VWF: variants seen among roughly 807,000 people sequenced by gnomAD.
The protein encoded by VWF is von Willebrand factor.
VWF carries 176 observed loss-of-function variants against 308.6 expected under a neutral mutation model. The ratio of observed to expected loss-of-function variants is 0.57; its 90% confidence interval spans 0.50 to 0.65. The LOEUF (loss-of-function observed/expected upper bound fraction) is 0.65, where lower values mean the gene tolerates loss of function less well. VWF is among the 30% of genes least tolerant of loss of function. The pLI, the probability that VWF is intolerant of heterozygous loss-of-function variation, is 0.00. For missense variants in VWF, 3,146 were observed against 3,648.2 expected (o/e 0.86, Z 3.55); for synonymous variants, 1,385 against 1,443.4 (o/e 0.96, Z 0.92).
chr12:5,952,291 G>C, intron 49 of VWF, 100 bp downstream of exon 49: 1 of 1,527,650 alleles, frequency 6.5e-7, no homozygotes, highest in East Asian at 2.3e-5. Flanking sequence ...ATGTGCCTCA[G>C]ACACTGAGAA....
rs773534134 is a variant in VWF at position 6,031,528 on chromosome 12, C to G, written c.2736G>C (p.Lys912Asn). The G allele has an allele frequency of 2.5e-6, 4 of 1,614,008 alleles. No individual in the cohort carries two copies. The African/African-American group carries it at 5.3e-5, about 22-fold the overall frequency. Residue 912 changes from lysine (K) to asparagine (N), a missense_variant, in exon 21 of 52, where the codon AAG becomes AAC. Coordinates refer to ENST00000261405, the MANE Select transcript of VWF (RefSeq NM_000552.5). ...PGTFRILVGN[K>N]GCSHPSVKCK... The stretch of plus-strand genomic sequence containing the variant: ...ATTTCACTGAGGGGTGGCTGCATCC[C>G]TTATTCCCCACTAGGATCCGAAAGG...
In VWF at chr12:5,951,898, A is replaced by G. The variant is rs1460296329; in HGVS notation, c.8116-15T>C. ...ATAATTTTACCCTAAGAAAACAGCA[A>G]AATTTCAGGTTAGGCACAAACAGTA... On this transcript the variant is annotated splice_polypyrimidine_tract_variant and intron_variant, in intron 49 of 51. Transcript: ENST00000261405. 6.2e-7 allele frequency: 1 copy of G among 1,614,036 alleles called. No individual in the cohort carries two copies. Among genetic ancestry groups the G allele is most frequent in the African/African-American group, 1.3e-5 (1 of 74,908 alleles).
intron 4 of VWF, 42 bp from the exon 5 acceptor site, chr12:6,110,624 A>G (rs749325177): frequency 6.3e-7 from 1 of 1,596,892 alleles, no homozygotes; most frequent in Non-Finnish European, 8.6e-7. Flanking sequence ...CTTCTTGTGC[A>G]TTTTCTGGAT....
intron 21 of VWF, among the ~76,000 whole-genome samples, chr12:6,029,927 C>T (rs989124981): frequency 7.2e-5 from 11 of 152,086 alleles, no homozygotes; most frequent in Non-Finnish European, 1.5e-4. Context: ...TCTTGTATCC[C>T]ACCACCTCCC....
intron 10 of VWF, among the ~76,000 whole-genome samples, chr12:6,070,922 A>T (rs1389173453): frequency 1.3e-5 from 2 of 152,236 alleles, no homozygotes; most frequent in Non-Finnish European, 2.9e-5. Flanking sequence ...AGCCTAAAGA[A>T]TTACCAGGCC....
At chr12:6,054,694 A>T (rs1215168400) in intron 15 of VWF, among the ~76,000 whole-genome samples, 1 of 152,212 alleles carries the variant, frequency 6.6e-6, no homozygotes, top group Admixed American at 6.5e-5. Context: ...AGAGGAAAAA[A>T]AATGTGTGTG....
At chr12:6,062,880 A>C (rs1944669663) in intron 13 of VWF, 74 bp downstream of exon 13, 1 of 1,283,136 alleles carries the variant, frequency 7.8e-7, no homozygotes, top group African/African-American at 1.5e-5. Flanking sequence ...ACACAAAGCC[A>C]TTCTACCCAG....
Position 6,095,588 on chromosome 12 carries a change from T to C in VWF, c.533-4A>G, listed in dbSNP as rs1315921326. ...TAAGGGTCCGAGGTCAAGGTCCCTG[T>C]GGAGGAAAGTTTCAGGAAAGTAATG... On this transcript the variant is annotated splice_polypyrimidine_tract_variant and splice_region_variant and intron_variant, in intron 5 of 51. Transcript: ENST00000261405. The C allele has an allele frequency of 6.2e-7, 1 of 1,614,024 alleles. No individual in the cohort carries two copies. Among genetic ancestry groups the C allele is most frequent in the Non-Finnish European group, 8.5e-7 (1 of 1,180,008 alleles).
rs754363583 is a variant in VWF at position 5,981,791 on chromosome 12, C to T, written c.7282G>A (p.Asp2428Asn). The stretch of plus-strand genomic sequence containing the variant: ...AATAGCCAAGCAGTCCTTACCTTGT[C>T]GGGAAGGCAGGTGGTTGTGGTACAG... Reference protein sequence around the residue: ...CGCTTTTCLPDKVCVHRSTIY... With the variant: ...CGCTTTTCLPNKVCVHRSTIY... The change falls in exon 42 of 52, where the codon GAC becomes AAC. Residue 2428 changes from aspartate to asparagine, a missense_variant. Coordinates refer to ENST00000261405, the MANE Select transcript of VWF (RefSeq NM_000552.5). 13 of 1,613,934 alleles carry T rather than the reference C, an allele frequency of 8.1e-6. No individual in the cohort carries two copies. Among genetic ancestry groups the T allele is most frequent in the African/African-American group, 2.7e-5 (2 of 74,904 alleles).
chr12:6,050,954 T>C (rs909757824), intron 16 of VWF, among the ~76,000 whole-genome samples: 2 of 115,550 alleles, frequency 1.7e-5, no homozygotes, highest in Admixed American at 1.6e-4. Flanking sequence ...AAATTCAGTC[T>C]CAAAAAAAAA....
At chr12:6,101,346 T>C (rs930271358) in intron 5 of VWF, among the ~76,000 whole-genome samples, 1 of 151,178 alleles carries the variant, frequency 6.6e-6, no homozygotes, top group Non-Finnish European at 1.5e-5. Flanking sequence ...TGGGAAGAGA[T>C]ACACACAATC....
At chr12:6,095,366 C>T in intron 6 of VWF, 94 bp downstream of exon 6, 3 of 1,590,828 alleles carry the variant, frequency 1.9e-6, no homozygotes, top group Non-Finnish European at 2.6e-6. Flanking sequence ...GTCCATTCCT[C>T]CCCCAGATGG....
intron 2 of VWF, among the ~76,000 whole-genome samples, chr12:6,122,516 CAG>C (rs1273280002): frequency 2.6e-5 from 4 of 152,206 alleles, no homozygotes; most frequent in Non-Finnish European, 5.9e-5. Context: ...TAGGAAGATG[CAG>C]AGAGTGTGAC....
intron 6 of VWF, among the ~76,000 whole-genome samples, chr12:6,087,899 A>G (rs111411034): frequency 0.011 from 1,612 of 152,226 alleles, 28 homozygotes; most frequent in African/African-American, 0.035. Flanking sequence ...TACGGTAGGT[A>G]GAGTGGTAAC....
intron 45 of VWF, 126 bp downstream of exon 45, chr12:5,969,084 TG>T: frequency 1.9e-6 from 2 of 1,046,262 alleles, no homozygotes; most frequent in Non-Finnish European, 1.4e-6. Flanking sequence ...TAGGAGCAGA[TG>T]GGAAGATTTC....
At chr12:6,097,619 T>C (rs1432996183) in intron 5 of VWF, among the ~76,000 whole-genome samples, 1 of 152,130 alleles carries the variant, frequency 6.6e-6, no homozygotes, top group East Asian at 1.9e-4. Flanking sequence ...TCCCGAGAGC[T>C]TCTGGAGGGA....
chr12:6,013,663 A>C lies in VWF; in HGVS notation c.5456-18T>G, dbSNP rs202132224. The C allele has an allele frequency of 2.0e-5, 32 of 1,612,268 alleles. No homozygotes were observed. Among genetic ancestry groups the C allele is most frequent in the Admixed American group, 6.7e-5 (4 of 60,002 alleles). ...TGTCACTCCTAGAGTTAGCAAAGAG[A>C]CAAGAAAGGATCTGTGGGCAAGAAG... On this transcript the variant is annotated intron_variant, in intron 31 of 51. Transcript: ENST00000261405.
intron 5 of VWF, among the ~76,000 whole-genome samples, chr12:6,106,073 T>C (rs984377444): frequency 6.6e-6 from 1 of 151,992 alleles, no homozygotes; most frequent in African/African-American, 2.4e-5. Flanking sequence ...AAAGCAGGGT[T>C]TTAAAGAGTT....
chr12:6,089,448 G>GT (rs371837077), intron 6 of VWF, among the ~76,000 whole-genome samples: 4 of 152,300 alleles, frequency 2.6e-5, no homozygotes, highest in African/African-American at 9.6e-5. Flanking sequence ...ACACTGGTTA[G>GT]TAAGGACTTT....
Sources: gnomAD v4.1 joint callset for allele counts (sites outside exome capture counted in the v4.1 genomes callset) on GRCh38, gnomAD v4.1.1 for gene constraint, MANE v1.5 for transcripts, NCBI Gene and HGNC (gene_info 2026-07-23, HGNC 2026-07-21) for gene names.